Variants in NPAS3 observed in about 807,000 individuals in gnomAD.
NPAS3 encodes the protein neuronal PAS domain-containing protein 3.
A neutral mutation model predicts 73.1 loss-of-function variants in NPAS3; 14 were observed. The observed-to-expected ratio is 0.19, with a 90% CI of 0.13 to 0.30. NPAS3 has a LOEUF of 0.30. Among genes scored for constraint, NPAS3 ranks in the 10% least tolerant of loss-of-function variants. NPAS3 has a pLI of 1.00. For missense variants in NPAS3, 1,096 were observed against 1,250.0 expected (o/e 0.88, Z 1.86); for synonymous variants, 620 against 541.5 (o/e 1.14, Z -2.01).
At chr14:33,551,023 G>T (rs1016123146) in intron 4 of NPAS3, among the ~76,000 whole-genome samples, 3 of 152,128 alleles carry the variant, frequency 2.0e-5, no homozygotes, top group African/African-American at 7.2e-5. Context: ...TTAATTATAT[G>T]AATGATACAT....
chr14:33,615,456 G>T (rs1040374182), intron 5 of NPAS3, among the ~76,000 whole-genome samples: 1 of 152,104 alleles, frequency 6.6e-6, no homozygotes, highest in South Asian at 2.1e-4. Context: ...AGTAAGCGAG[G>T]ACTTGGGTAC....
At chr14:33,669,342 G>A (rs56170509) in intron 5 of NPAS3, among the ~76,000 whole-genome samples, 106 of 152,220 alleles carry the variant, frequency 7.0e-4, no homozygotes, top group African/African-American at 2.6e-3. Context: ...AAAACTATGG[G>A]AACCTTGTAA....
intron 2 of NPAS3, among the ~76,000 whole-genome samples, chr14:33,204,707 A>T (rs1050223206): frequency 5.9e-5 from 9 of 152,106 alleles, no homozygotes; most frequent in African/African-American, 1.9e-4. Context: ...ACCATAAAGG[A>T]CATAGAAACC....
intron 3 of NPAS3, among the ~76,000 whole-genome samples, chr14:33,229,777 C>A (rs1269942380): frequency 3.9e-5 from 6 of 152,174 alleles, no homozygotes; most frequent in Admixed American, 3.9e-4. Context: ...AATCTTTTGT[C>A]AACGACTCTA....
chr14:33,743,410 A>G (rs185990253), intron 7 of NPAS3, among the ~76,000 whole-genome samples: 261 of 152,266 alleles, frequency 1.7e-3, no homozygotes, highest in African/African-American at 6.0e-3. Context: ...TTTTTTTCTG[A>G]ACAGTAGGTC....
chr14:32,971,557 T>C (rs1190675536), intron 1 of NPAS3, among the ~76,000 whole-genome samples: 1 of 152,220 alleles, frequency 6.6e-6, no homozygotes, highest in Non-Finnish European at 1.5e-5. Context: ...ATGCCTACTT[T>C]CATAAGTGAA....
intron 5 of NPAS3, among the ~76,000 whole-genome samples, chr14:33,655,814 T>C (rs971304344): frequency 1.3e-5 from 2 of 152,126 alleles, no homozygotes; most frequent in African/African-American, 2.4e-5. Context: ...AGGTAGTAAA[T>C]CTCAATATTT....
At chr14:33,268,365 G>A (rs574368597) in intron 3 of NPAS3, among the ~76,000 whole-genome samples, 1 of 152,158 alleles carries the variant, frequency 6.6e-6, no homozygotes, top group Non-Finnish European at 1.5e-5. Context: ...AGAAGATTTT[G>A]TAAATAAAAC....
At position 33,199,200 on chromosome 14, in the gene NPAS3, C is replaced by A. The variant is rs146478853; in HGVS notation, c.141-15982C>A. On this transcript the variant is annotated intron_variant, in intron 2 of 11. Transcript: ENST00000356141. ...GAGAGGGGTTCCCACAGTGCAGATG[C>A]GGGCTGAAGGGCTCCTCAAGCGTGG... Among the ~76,000 whole-genome samples the A allele has an allele frequency of 3.7e-3, 556 of 152,306 alleles. 2 individuals are homozygous for A. The highest frequency in any genetic ancestry group is 0.014 in the Middle Eastern group (4 of 294).
At chr14:33,304,001 G>A (rs887832345) in intron 3 of NPAS3, among the ~76,000 whole-genome samples, 65 of 152,152 alleles carry the variant, frequency 4.3e-4, no homozygotes, top group African/African-American at 1.5e-3. Flanking sequence ...TCCACCTCCC[G>A]GGTTCACGCC....
chr14:33,046,018 C>G (rs1202977305), intron 1 of NPAS3, among the ~76,000 whole-genome samples: 1 of 152,084 alleles, frequency 6.6e-6, no homozygotes, highest in Non-Finnish European at 1.5e-5. Context: ...AGAGTTCACA[C>G]TTTTTAACAA....
chr14:33,252,551 T>C (rs1424535358), intron 3 of NPAS3, among the ~76,000 whole-genome samples: 2 of 152,074 alleles, frequency 1.3e-5, no homozygotes, highest in South Asian at 4.1e-4. Flanking sequence ...CTTGATTACA[T>C]TGTCTTAAAG....
intron 3 of NPAS3, among the ~76,000 whole-genome samples, chr14:33,311,868 G>A (rs868082764): frequency 4.6e-5 from 7 of 152,056 alleles, no homozygotes; most frequent in Admixed American, 1.3e-4. Flanking sequence ...AAGGATGAAC[G>A]GGAGTTCATC....
chr14:33,575,171 A>G (rs530324134), intron 5 of NPAS3, among the ~76,000 whole-genome samples: 17 of 152,322 alleles, frequency 1.1e-4, no homozygotes, highest in African/African-American at 4.1e-4. Context: ...ATATCATGCA[A>G]TTAACTTTTA....
At chr14:33,078,191 A>G (rs995422947) in intron 2 of NPAS3, among the ~76,000 whole-genome samples, 33 of 152,218 alleles carry the variant, frequency 2.2e-4, no homozygotes, top group African/African-American at 7.9e-4. Context: ...AAAAGAAAAT[A>G]CATATAGTTC....
chr14:33,706,421 A>T (rs2060657540), intron 6 of NPAS3, among the ~76,000 whole-genome samples: 1 of 152,186 alleles, frequency 6.6e-6, no homozygotes, highest in Admixed American at 6.6e-5. Context: ...CAAACTCTAG[A>T]AATGGTGGAG....
intron 5 of NPAS3, among the ~76,000 whole-genome samples, chr14:33,673,957 A>G (rs2059682343): frequency 6.6e-6 from 1 of 152,158 alleles, no homozygotes; most frequent in Admixed American, 6.5e-5. Flanking sequence ...GATAGTGTCA[A>G]ACTCCCAGTG....
rs186525566 is a variant in NPAS3, at chr14:33,269,512, T to C, written c.385+54086T>C. On this transcript the variant is annotated intron_variant, in intron 3 of 11. Coordinates refer to ENST00000356141, the Ensembl canonical transcript of NPAS3. ...ACATAGGCATTTAGATAAGGAAATGTGCAAATAAGGTGACTTGACTTTGAG... is the reference window on the plus strand; with the variant it reads ...ACATAGGCATTTAGATAAGGAAATGCGCAAATAAGGTGACTTGACTTTGAG... Among the ~76,000 whole-genome samples the C allele has an allele frequency of 5.3e-5, 8 of 152,280 alleles. No individual in the cohort carries two copies. In the East Asian group the frequency reaches 1.5e-3, roughly 29 times the overall value.
chr14:33,232,339 A>G (rs1348095752), intron 3 of NPAS3, among the ~76,000 whole-genome samples: 1 of 152,178 alleles, frequency 6.6e-6, no homozygotes, highest in Non-Finnish European at 1.5e-5. Context: ...CAAGTACTAA[A>G]CTACACTTGC....
Sources: gnomAD v4.1 joint callset for allele counts (sites outside exome capture counted in the v4.1 genomes callset) on GRCh38, gnomAD v4.1.1 for gene constraint, MANE v1.5 for transcripts, NCBI Gene and HGNC (gene_info 2026-07-23, HGNC 2026-07-21) for gene names.